Variants in DEDD2 observed in about 807,000 individuals in gnomAD.
DEDD2 encodes the protein death effector domain containing 2.
DEDD2 carries 18 observed loss-of-function variants against 28.9 expected under a neutral mutation model. The observed-to-expected ratio is 0.62, with a 90% CI of 0.43 to 0.92. The LOEUF is 0.92. Among genes scored for constraint, DEDD2 ranks in the 40% least tolerant of loss-of-function variants. The pLI is 0.00. For synonymous variants in DEDD2, 211 were observed against 206.1 expected (o/e 1.02, Z -0.20); for missense variants, 411 against 463.3 (o/e 0.89, Z 1.04).
intron 4 of DEDD2, among the ~76,000 whole-genome samples, chr19:42,200,655 C>T (rs2035295350): frequency 6.6e-6 from 1 of 152,162 alleles, no homozygotes; most frequent in South Asian, 2.1e-4. Flanking sequence ...AGCCACTGTG[C>T]CAAGAGGAGA....
intron 4 of DEDD2, among the ~76,000 whole-genome samples, chr19:42,209,379 G>A (rs886772508): frequency 1.3e-5 from 2 of 152,048 alleles, no homozygotes; most frequent in East Asian, 1.9e-4. Context: ...TTTTTACCCC[G>A]TGATATGCTG....
intron 1 of DEDD2, among the ~76,000 whole-genome samples, 155 bp from the exon 2 acceptor site, chr19:42,217,200 C>T (rs1377611253): frequency 6.6e-6 from 1 of 151,998 alleles, no homozygotes; most frequent in African/African-American, 2.4e-5. Flanking sequence ...AGGGAATGGT[C>T]CCGCCCGAGG....
intron 4 of DEDD2, among the ~76,000 whole-genome samples, chr19:42,208,205 C>A (rs1173632043): frequency 6.6e-6 from 1 of 152,146 alleles, no homozygotes; most frequent in Non-Finnish European, 1.5e-5. Flanking sequence ...GCTGTGTCCT[C>A]CCCACATGAC....
chr19:42,208,120 A>G (rs1271175304), intron 4 of DEDD2, among the ~76,000 whole-genome samples: 2 of 152,170 alleles, frequency 1.3e-5, no homozygotes, highest in Non-Finnish European at 2.9e-5. Flanking sequence ...CTCGAAGACC[A>G]TATCTGATCC....
chr19:42,218,505 G>C (rs560821508), upstream of DEDD2, among the ~76,000 whole-genome samples: 38 of 152,262 alleles, frequency 2.5e-4, no homozygotes, highest in East Asian at 7.3e-3. Flanking sequence ...GAGAGGGTCT[G>C]TCAGGGAGTC....
At chr19:42,212,711 C>T (rs1049915512) in intron 3 of DEDD2, among the ~76,000 whole-genome samples, 4 of 152,072 alleles carry the variant, frequency 2.6e-5, no homozygotes, top group Non-Finnish European at 4.4e-5. Context: ...GCAGTCCACC[C>T]GCCTTAGCCT....
At chr19:42,210,088 C>G (rs2035695119) in intron 3 of DEDD2, among the ~76,000 whole-genome samples, 1 of 152,012 alleles carries the variant, frequency 6.6e-6, no homozygotes, top group South Asian at 2.1e-4. Flanking sequence ...TAGAGAAATC[C>G]CTGCACACTT....
At position 42,199,466 on chromosome 19, in the gene DEDD2, C is replaced by A. The variant is rs149179344; in HGVS notation, c.953G>T (p.Gly318Val). 1,960 of 1,610,302 alleles carry A rather than the reference C, an allele frequency of 1.2e-3. 5 individuals carry two copies. The highest frequency in any genetic ancestry group is 1.6e-3 in the Non-Finnish European group (1,827 of 1,178,614). The change falls in exon 5 of 5, where the codon GGG becomes GTG. Residue 318 changes from glycine (G) to valine (V), a missense_variant. Physicochemically the swap from Gly to Val is moderately radical, Grantham distance 109. This residue lies in a region of DEDD2 where 129 missense variants were observed against 189.9 expected (regional missense o/e 0.68). Coordinates refer to ENST00000596251, the MANE Select transcript of DEDD2 (RefSeq NM_133328.4). This position sits in a 1 kb window ranked among gnomAD's most constrained non-coding sequence, Gnocchi z 7.4. Reference sequence around the variant, plus strand: ...GGAGGCCTCTGTCGGGCGCCGCCCCCCTTCCTCCTCCATCAGCAACAGGCG... The same window carrying A: ...GGAGGCCTCTGTCGGGCGCCGCCCCACTTCCTCCTCCATCAGCAACAGGCG... ...RRRLLLMEEE[G>V]GRRPTEAS
intron 3 of DEDD2, among the ~76,000 whole-genome samples, chr19:42,211,451 A>G (rs868239572): frequency 3.2e-5 from 4 of 126,180 alleles, no homozygotes; most frequent in Admixed American, 8.6e-5. Context: ...GAGGGAGGGA[A>G]GGAGGAAGAG....
chr19:42,213,376 T>A (rs2035841199), intron 3 of DEDD2, among the ~76,000 whole-genome samples: 1 of 152,202 alleles, frequency 6.6e-6, no homozygotes, highest in Non-Finnish European at 1.5e-5. Context: ...TAAATGGCTA[T>A]TAGGGAACAG....
In DEDD2 at chr19:42,199,220, G is replaced by C. The variant is rs773395775; in HGVS notation, c.*218C>G. ...CTCCGGAGGCTAAGGGGGCACACCTGGGGGTAGGAGGAGTCTGGGAAGGAA... is the reference window on the plus strand; with the variant it reads ...CTCCGGAGGCTAAGGGGGCACACCTCGGGGTAGGAGGAGTCTGGGAAGGAA... On this transcript the variant is annotated 3_prime_UTR_variant, in exon 5 of 5. Transcript: ENST00000596251. This position sits in a 1 kb window ranked among gnomAD's most constrained non-coding sequence, Gnocchi z 7.4. The C allele has an allele frequency of 5.7e-6, 4 of 700,936 alleles. 1 individual carries two copies. The South Asian group carries it at 8.5e-5, about 15-fold the overall frequency. 43.4% of individuals were successfully genotyped at this position (700,936 alleles called of 1,614,324 possible).
At chr19:42,219,712 C>A (rs1350678945), upstream of DEDD2, among the ~76,000 whole-genome samples, 1 of 152,236 alleles carries the variant, frequency 6.6e-6, no homozygotes, top group East Asian at 1.9e-4. Context: ...TAGTCCTGGG[C>A]TAAACTCACA....
chr19:42,212,799 A>C (rs186374520), intron 3 of DEDD2, among the ~76,000 whole-genome samples: 12 of 152,154 alleles, frequency 7.9e-5, no homozygotes, highest in Admixed American at 6.6e-4. Flanking sequence ...GGGTCTTACT[A>C]TATTGCCCAG....
At chr19:42,202,190 AACTGTAATTTCGACACCCAACTCCCTAC>A (rs1189587931) in intron 4 of DEDD2, 3 of 397,996 alleles carry the variant, frequency 7.5e-6, no homozygotes, top group Non-Finnish European at 1.3e-5. Context: ...CAGAAACAGG[AACTGTAATTTCGACACCCAACTCCCTAC>A]ACCCATGGCC....
intron 4 of DEDD2, chr19:42,201,948 T>C (rs2035347878): frequency 2.5e-6 from 1 of 398,784 alleles, no homozygotes; most frequent in Non-Finnish European, 4.4e-6. Context: ...CCAGGAGTGG[T>C]TGGCCACAGA....
chr19:42,214,502 C>T (rs1338614267), intron 3 of DEDD2, among the ~76,000 whole-genome samples: 2 of 152,104 alleles, frequency 1.3e-5, no homozygotes, highest in African/African-American at 2.4e-5. Flanking sequence ...ATGGCTCATG[C>T]CTGTAATCCA....
chr19:42,212,941 G>T (rs985972946), intron 3 of DEDD2, among the ~76,000 whole-genome samples: 1 of 152,130 alleles, frequency 6.6e-6, no homozygotes, highest in African/African-American at 2.4e-5. Flanking sequence ...TTTTTGAAAA[G>T]TCAAGTCTCT....
intron 3 of DEDD2, among the ~76,000 whole-genome samples, chr19:42,213,142 A>C (rs2035832653): frequency 6.6e-6 from 1 of 152,214 alleles, no homozygotes; most frequent in African/African-American, 2.4e-5. Flanking sequence ...CACATGAAGA[A>C]GACACAAGAG....
chr19:42,215,385 A>C, intron 2 of DEDD2, 133 bp from the exon 3 acceptor site: 1 of 1,134,624 alleles, frequency 8.8e-7, no homozygotes. Context: ...ATTCTCAAAC[A>C]CCTCCTGCAG....
Sources: gnomAD v4.1 joint callset for allele counts (sites outside exome capture counted in the v4.1 genomes callset) on GRCh38, gnomAD v4.1.1 for gene constraint, gnomAD v4.1.1 regional missense constraint, Gnocchi (gnomAD v3.1) non-coding constraint, MANE v1.5 for transcripts, NCBI Gene and HGNC (gene_info 2026-07-23, HGNC 2026-07-21) for gene names.